The following CD1D variants were observed in gnomAD, a reference collection of about 807,000 sequenced individuals.
CD1D encodes the protein antigen-presenting glycoprotein CD1d.
Under a neutral mutation model 42.1 loss-of-function variants are expected in CD1D, and 40 were observed. The observed-to-expected ratio is 0.95, with a 90% CI of 0.74 to 1.24. The LOEUF is 1.24. CD1D is among the 50% of genes most tolerant of loss of function. The probability of loss-of-function intolerance (pLI) is 0.00; values close to 1 mark genes in which losing one functional copy is unlikely to be tolerated. For missense variants in CD1D, 437 were observed against 416.5 expected, an observed-to-expected ratio of 1.05 and a Z score of -0.43; for synonymous variants, 178 against 171.8, an observed-to-expected ratio of 1.04 and a Z score of -0.28.
chr1:158,183,937 T>C lies in CD1D; in HGVS notation c.888T>C (p.Gly296=). The C allele has an allele frequency of 1.2e-6, 2 of 1,613,220 alleles. No homozygotes were observed. The highest frequency in any genetic ancestry group is 1.7e-6 in the Non-Finnish European group (2 of 1,179,160). ...ACAGCCTATGTTCCTCCAGAGCAGG[T>C]GGGAGCTACACCTCCATGGGCTTGA... ...LEGQDIVLYW[G]GSYTSMGLIA... is the part of the protein sequence containing the mutation. Residue 296 remains glycine, a splice_region_variant and synonymous_variant, in exon 5 of 6, where the codon GGT becomes GGC. Coordinates refer to ENST00000674085, the MANE Select transcript of CD1D (RefSeq NM_001371762.2).
chr1:158,181,028 C>A lies in CD1D; in HGVS notation c.-74C>A. On this transcript the variant is annotated 5_prime_UTR_variant, in exon 1 of 6. Transcript: ENST00000674085. The stretch of plus-strand genomic sequence containing the variant: ...CCAGCGGAAAGGGACGTGAGCTGAG[C>A]GGCGGGGGAGAAGAGTGCGCAGGTC... 7.6e-7 allele frequency: 1 copy of A among 1,318,680 alleles called. No homozygotes were observed. The highest frequency in any genetic ancestry group is 1.0e-6 in the Non-Finnish European group (1 of 977,030). 81.7% of individuals were successfully genotyped at this position (1,318,680 alleles called of 1,614,324 possible). A position where few individuals can be genotyped will look rare whatever the true frequency, so the allele number is the denominator to read the frequency against.
intron 2 of CD1D, 131 bp from the exon 3 acceptor site, chr1:158,181,901 C>T: frequency 1.6e-5 from 22 of 1,351,442 alleles, no homozygotes; most frequent in Non-Finnish European, 2.2e-5. Flanking sequence ...TCGTTCCTGC[C>T]TACTCCAGGT....
chr1:158,182,103 G>T lies in CD1D; in HGVS notation c.400G>T (p.Val134Leu). 6.2e-7 allele frequency: 1 copy of T among 1,614,080 alleles called. No homozygotes were observed. Among genetic ancestry groups the T allele is most frequent in the East Asian group, 2.2e-5 (1 of 44,870 alleles). Reference protein sequence around the residue: ...PGNASNNFFHVAFQGKDILSF... With the variant: ...PGNASNNFFHLAFQGKDILSF... ...GAACGCCTCAAATAACTTCTTCCAT[G>T]TAGCATTTCAAGGAAAAGATATCCT... The change falls in exon 3 of 6, where the codon GTA becomes TTA. Residue 134 changes from valine (V) to leucine (L), a missense_variant. By Grantham distance (32) the Val-to-Leu change is conservative. Transcript: ENST00000674085.
chr1:158,180,491 A>G (rs573940190), upstream of CD1D, among the ~76,000 whole-genome samples: 4 of 152,346 alleles, frequency 2.6e-5, no homozygotes, highest in Admixed American at 2.6e-4. Context: ...GGGATATGAC[A>G]GTTGTAAAGA....
In CD1D at chr1:158,186,104, C is replaced by T. The variant is rs1648693190; in HGVS notation, c.*1954C>T. Among the ~76,000 whole-genome samples, 3 of 152,102 alleles carry T rather than the reference C, an allele frequency of 2.0e-5. No individual in the cohort carries two copies. ...CCTCTGAACCAGTTTCCTCCTGTGC[C>T]AAAGGAGGATAATAATTATCTATTA... On this transcript the variant is annotated 3_prime_UTR_variant, in exon 6 of 6. Transcript: ENST00000674085.
upstream of CD1D, among the ~76,000 whole-genome samples, chr1:158,178,238 A>G (rs1330917894): frequency 6.6e-6 from 1 of 152,214 alleles, no homozygotes; most frequent in Non-Finnish European, 1.5e-5. Context: ...AATAAAGACT[A>G]TGAGCAATTG....
chr1:158,178,264 A>G (rs859003), upstream of CD1D, among the ~76,000 whole-genome samples: 19,804 of 152,188 alleles, frequency 0.13, 1,715 homozygotes, highest in East Asian at 0.43. Flanking sequence ...GAATGCTGTT[A>G]AACTTTATTG....
chr1:158,185,770 G>A lies in CD1D; in HGVS notation c.*1620G>A, dbSNP rs1434466390. Reference sequence around the variant, plus strand: ...CAGCCTCAGCAGGACCTGGGAACTTGTTATAAATGCAAATTGTTTTGGGCC... The same window carrying A: ...CAGCCTCAGCAGGACCTGGGAACTTATTATAAATGCAAATTGTTTTGGGCC... On this transcript the variant is annotated 3_prime_UTR_variant, in exon 6 of 6. Transcript: ENST00000674085. Among the ~76,000 whole-genome samples, 3 of 152,192 alleles carry A rather than the reference G, an allele frequency of 2.0e-5. No homozygotes were observed. Among genetic ancestry groups the A allele is most frequent in the Admixed American group, 6.5e-5 (1 of 15,286 alleles).
At chr1:158,180,858 G>A (rs1014460651), upstream of CD1D, 9 of 430,304 alleles carry the variant, frequency 2.1e-5, 1 homozygote, top group Admixed American at 1.1e-4. Context: ...ACTGAAGTGA[G>A]CGGCGGCGCC....
chr1:158,186,121 T>G lies in CD1D; in HGVS notation c.*1971T>G, dbSNP rs567519095. Among the ~76,000 whole-genome samples, 39 of 152,300 alleles carry G rather than the reference T, an allele frequency of 2.6e-4. No individual in the cohort carries two copies. The highest frequency in any genetic ancestry group is 9.4e-4 in the African/African-American group (39 of 41,574). ...TCCTGTGCCAAAGGAGGATAATAAT[T>G]ATCTATTATTGATTATCTCCTAGAC... On this transcript the variant is annotated 3_prime_UTR_variant, in exon 6 of 6. Transcript: ENST00000674085.
chr1:158,184,186 A>T lies in CD1D; in HGVS notation c.*36A>T. 1 of 1,611,292 alleles carries T rather than the reference A, an allele frequency of 6.2e-7. No individual in the cohort carries two copies. Among genetic ancestry groups the T allele is most frequent in the Non-Finnish European group, 8.5e-7 (1 of 1,177,790 alleles). On this transcript the variant is annotated 3_prime_UTR_variant, in exon 6 of 6. Coordinates refer to ENST00000674085, the MANE Select transcript of CD1D (RefSeq NM_001371762.2). ...CACATCTGTGTCTCTGGAACCCAGG[A>T]CCTCTGGACCTCAGGTTCCTAAGAC...
At chr1:158,180,819 G>T, upstream of CD1D, 2 of 387,572 alleles carry the variant, frequency 5.2e-6, no homozygotes. Flanking sequence ...TTTGAAACAG[G>T]AAATTGAGAC....
rs183039530 is a variant in CD1D at position 158,183,623 on chromosome 1, G to A, written c.887-313G>A. ...GTTATATAGATGAGGAAATGAAGGC[G>A]GAGATAGGTTAACTGCCCGGAGCCA... On this transcript the variant is annotated intron_variant, in intron 4 of 5. Coordinates refer to ENST00000674085, the MANE Select transcript of CD1D (RefSeq NM_001371762.2). 1.1e-4 allele frequency among the ~76,000 whole-genome samples: 17 copies of A among 152,342 alleles called. No individual in the cohort carries two copies. In the East Asian group the frequency reaches 1.7e-3, roughly 16 times the overall value.
At chr1:158,182,516 GA>G in intron 3 of CD1D, 1 of 633,274 alleles carries the variant, frequency 1.6e-6, no homozygotes, top group Non-Finnish European at 2.8e-6. Flanking sequence ...AACTGGGGGT[GA>G]AAGGTGTCAG....
chr1:158,181,578 C>T lies in CD1D; in HGVS notation c.185C>T (p.Ser62Leu), dbSNP rs765499678. ...CAGACGCACAGCTGGAGCAACGACT[C>T]GGACACCGTCCGCTCTCTGAAGCCT... ...ELQTHSWSND[S>L]DTVRSLKPWS... The change falls in exon 2 of 6, where the codon TCG (serine) becomes TTG (leucine). Residue 62 changes from serine (S) to leucine (L), a missense_variant. Ser to Leu is a moderately radical substitution (Grantham distance 145, BLOSUM62 -2). Coordinates refer to ENST00000674085, the MANE Select transcript of CD1D (RefSeq NM_001371762.2). The T allele has an allele frequency of 6.8e-6, 11 of 1,614,044 alleles. No homozygotes were observed. Among genetic ancestry groups the T allele is most frequent in the African/African-American group, 4.0e-5 (3 of 74,934 alleles).
At chr1:158,179,646 G>C (rs1241259657), upstream of CD1D, among the ~76,000 whole-genome samples, 1 of 152,190 alleles carries the variant, frequency 6.6e-6, no homozygotes, top group African/African-American at 2.4e-5. Context: ...CTCCTGCCTA[G>C]GGTCACACAG....
rs1315861542 is a variant in CD1D at position 158,181,061 on chromosome 1, G to C, written c.-41G>C. The C allele has an allele frequency of 2.0e-6, 3 of 1,511,686 alleles. No individual in the cohort carries two copies. Among genetic ancestry groups the C allele is most frequent in the Non-Finnish European group, 1.8e-6 (2 of 1,126,440 alleles). The allele number at this position is 1,511,686 out of a possible 1,614,324, so 93.6% of individuals were successfully genotyped here. ...GAGAAGAGTGCGCAGGTCAGAGGGC[G>C]GCGCGCAGCGGCGCTCCGCGAGGTC... On this transcript the variant is annotated 5_prime_UTR_variant, in exon 1 of 6. Coordinates refer to ENST00000674085, the MANE Select transcript of CD1D (RefSeq NM_001371762.2).
Position 158,184,883 on chromosome 1 carries a change from G to A in CD1D, c.*733G>A, listed in dbSNP as rs949313652. On this transcript the variant is annotated 3_prime_UTR_variant, in exon 6 of 6. Coordinates refer to ENST00000674085, the MANE Select transcript of CD1D (RefSeq NM_001371762.2). ...TTTTTACTTGGTGTAATTAATAAAC[G>A]AAGATAAATCATAGTGTATGTGTAT... is the stretch of plus-strand genomic sequence containing the variant. 2.0e-5 allele frequency: 3 copies of A among 152,030 alleles called. No homozygotes were observed. The highest frequency in any genetic ancestry group is 4.8e-5 in the African/African-American group (2 of 41,378). 9.4% of individuals were successfully genotyped at this position (152,030 alleles called of 1,614,324 possible).
In CD1D at chr1:158,183,123, AGTC is replaced by A; in HGVS notation, c.854_856del (p.Ser285_Leu286delinsIle). The stretch of plus-strand genomic sequence containing the variant: ...CCTGTCCTGTCGGGTGAAGCACAGC[AGTC>A]TAGAGGGCCAGGACATCGTCCTCTA... On this transcript the variant is annotated inframe_deletion, in exon 4 of 6. Transcript: ENST00000674085. The A allele has an allele frequency of 6.2e-7, 1 of 1,613,092 alleles. No individual in the cohort carries two copies. Among genetic ancestry groups the A allele is most frequent in the Non-Finnish European group, 8.5e-7 (1 of 1,179,246 alleles).
Sources: gnomAD v4.1 joint callset for allele counts (sites outside exome capture counted in the v4.1 genomes callset) on GRCh38, gnomAD v4.1.1 for gene constraint, MANE v1.5 for transcripts, NCBI Gene and HGNC (gene_info 2026-07-23, HGNC 2026-07-21) for gene names.